The following PAX5 variants were observed in gnomAD, a reference collection of about 807,000 sequenced individuals.
PAX5 encodes the protein paired box protein Pax-5.
PAX5 carries 9 observed loss-of-function variants against 43.7 expected under a neutral mutation model. The ratio of observed to expected loss-of-function variants is 0.21; its 90% CI spans 0.12 to 0.36. The LOEUF (loss-of-function observed/expected upper bound fraction) is 0.36, where lower values mean the gene tolerates loss of function less well. Among genes scored for constraint, PAX5 ranks in the 10% least tolerant of loss-of-function variants. The pLI is 1.00. For missense variants in PAX5, 383 were observed against 532.7 expected (o/e 0.72, Z 2.77); for synonymous variants, 228 against 214.3 (o/e 1.06, Z -0.56).
intron 7 of PAX5, among the ~76,000 whole-genome samples, chr9:36,892,044 T>C (rs941455293): frequency 3.9e-5 from 6 of 152,242 alleles, no homozygotes; most frequent in Admixed American, 1.3e-4. Context: ...ACTCAGTCTA[T>C]ATTTCCATGC....
At position 37,015,152 on chromosome 9, in the gene PAX5, T is replaced by A. The variant is rs746405576; in HGVS notation, c.255A>T (p.Gly85=). The A allele has an allele frequency of 4.3e-6, 7 of 1,614,162 alleles. No homozygotes were observed. The South Asian group carries it at 7.7e-5, about 18-fold the overall frequency. The change falls in exon 3 of 10, where the codon GGA becomes GGT. Residue 85 remains glycine (G), a synonymous_variant. Coordinates refer to ENST00000358127, the MANE Select transcript of PAX5 (RefSeq NM_016734.3). The surrounding 1 kb of genome is among the most constrained non-coding windows in gnomAD (Gnocchi z 4.4). Reference sequence around the variant, plus strand: ...TGGGTGTGGCGACCTTTGGTTTGGATCCTCCAATTACCCCAGGCTTGATGC... The same window carrying A: ...TGGGTGTGGCGACCTTTGGTTTGGAACCTCCAATTACCCCAGGCTTGATGC... ...TGSIKPGVIG[G]SKPKVATPKV...
intron 8 of PAX5, among the ~76,000 whole-genome samples, chr9:36,869,556 T>C (rs139509220): frequency 2.0e-5 from 3 of 152,340 alleles, no homozygotes; most frequent in African/African-American, 4.8e-5. Flanking sequence ...AGCCCTACTG[T>C]ACAGAGATTC....
chr9:36,840,316 G>C lies in PAX5; in HGVS notation c.*244C>G, dbSNP rs1821934231. 1 of 602,944 alleles carries C rather than the reference G, an allele frequency of 1.7e-6. No homozygotes were observed. The highest frequency in any genetic ancestry group is 2.8e-5 in the East Asian group (1 of 36,036). The allele number at this position is 602,944 out of a possible 1,614,324, so 37.3% of individuals were successfully genotyped here. ...GCAGGACAGTCTATTGGTTTGCAGA[G>C]ACCCAGTGGCCATCGGGAGAAGCTC... On this transcript the variant is annotated 3_prime_UTR_variant, in exon 10 of 10. Coordinates refer to ENST00000358127, the MANE Select transcript of PAX5 (RefSeq NM_016734.3).
intron 8 of PAX5, among the ~76,000 whole-genome samples, chr9:36,857,069 G>A (rs1381939098): frequency 6.6e-6 from 1 of 152,152 alleles, no homozygotes; most frequent in Non-Finnish European, 1.5e-5. Flanking sequence ...CATGATAAGT[G>A]TCAAATAAAC....
intron 5 of PAX5, among the ~76,000 whole-genome samples, chr9:36,996,700 G>A (rs138279630): frequency 1.6e-3 from 238 of 152,320 alleles, no homozygotes; most frequent in African/African-American, 5.5e-3. Context: ...GGGGCCCAGG[G>A]CCCCAGCACG....
chr9:36,862,425 G>T (rs1044891169), intron 8 of PAX5, among the ~76,000 whole-genome samples: 1 of 152,192 alleles, frequency 6.6e-6, no homozygotes, highest in Non-Finnish European at 1.5e-5. Context: ...GCGTTCTGGG[G>T]TGGGAATAGA....
At chr9:36,900,623 C>G (rs189267911) in intron 7 of PAX5, among the ~76,000 whole-genome samples, 291 of 152,302 alleles carry the variant, frequency 1.9e-3, no homozygotes, top group Non-Finnish European at 2.6e-3. Flanking sequence ...CTCACTCCCC[C>G]ACTCCGGGCT....
intron 6 of PAX5, among the ~76,000 whole-genome samples, chr9:36,945,790 G>A (rs369416920): frequency 6.6e-6 from 1 of 152,166 alleles, no homozygotes; most frequent in Non-Finnish European, 1.5e-5. Context: ...TGCAGGCCTT[G>A]GAAAAGTTAC....
intron 7 of PAX5, among the ~76,000 whole-genome samples, chr9:36,897,258 CTG>C (rs956964314): frequency 3.3e-5 from 5 of 152,296 alleles, no homozygotes; most frequent in Admixed American, 3.3e-4. Flanking sequence ...GGACATGCGA[CTG>C]TGAGCGGCCT....
At chr9:36,918,533 C>T (rs1829889178) in intron 7 of PAX5, among the ~76,000 whole-genome samples, 1 of 152,034 alleles carries the variant, frequency 6.6e-6, no homozygotes, top group Non-Finnish European at 1.5e-5. Flanking sequence ...CATGGTGGTG[C>T]ACGCCTGTAG....
intron 8 of PAX5, 65 bp downstream of exon 8, chr9:36,881,939 G>T (rs1409663053): frequency 3.3e-6 from 4 of 1,195,268 alleles, no homozygotes; most frequent in Middle Eastern, 2.3e-4. Context: ...TGTTTGGGGG[G>T]GGATGTCCCC....
At chr9:36,861,928 A>G (rs1824257859) in intron 8 of PAX5, among the ~76,000 whole-genome samples, 1 of 152,114 alleles carries the variant, frequency 6.6e-6, no homozygotes. Flanking sequence ...TGTTGCAAGG[A>G]TTTACTGTAA....
intron 1 of PAX5, among the ~76,000 whole-genome samples, chr9:37,031,130 T>C (rs990153681): frequency 2.9e-4 from 44 of 152,340 alleles, no homozygotes; most frequent in African/African-American, 9.4e-4. Context: ...CAGGAGTTCT[T>C]GAAGAGGATG....
At chr9:36,988,918 G>A (rs1242374158) in intron 5 of PAX5, among the ~76,000 whole-genome samples, 1 of 152,194 alleles carries the variant, frequency 6.6e-6, no homozygotes, top group Non-Finnish European at 1.5e-5. Context: ...GACAGGTGAG[G>A]AAATTGAAGC....
chr9:36,934,223 A>T (rs1831365967), intron 6 of PAX5, among the ~76,000 whole-genome samples: 2 of 152,234 alleles, frequency 1.3e-5, no homozygotes, highest in Non-Finnish European at 2.9e-5. Context: ...CTCATTTGTA[A>T]GGGGGATATG....
At chr9:36,978,283 AG>A (rs976538561) in intron 5 of PAX5, among the ~76,000 whole-genome samples, 46 of 152,378 alleles carry the variant, frequency 3.0e-4, no homozygotes, top group African/African-American at 1.1e-3. Flanking sequence ...CACACTAATT[AG>A]AAAGGATGTT....
At chr9:36,939,497 C>A (rs1378047157) in intron 6 of PAX5, among the ~76,000 whole-genome samples, 1 of 152,180 alleles carries the variant, frequency 6.6e-6, no homozygotes, top group African/African-American at 2.4e-5. Context: ...ACCCCAAATC[C>A]AATCTAAATG....
intron 6 of PAX5, among the ~76,000 whole-genome samples, chr9:36,954,182 T>C (rs551215276): frequency 1.4e-4 from 21 of 152,342 alleles, no homozygotes; most frequent in Non-Finnish European, 2.9e-4. Context: ...TTGTTGAAAG[T>C]TGTACATGAT....
At chr9:36,996,848 A>G (rs916996422) in intron 5 of PAX5, among the ~76,000 whole-genome samples, 1 of 152,190 alleles carries the variant, frequency 6.6e-6, no homozygotes, top group Admixed American at 6.5e-5. Context: ...CAAGAGAGAA[A>G]GGAAATTGAA....
Sources: gnomAD v4.1 joint callset for allele counts (sites outside exome capture counted in the v4.1 genomes callset) on GRCh38, gnomAD v4.1.1 for gene constraint, Gnocchi (gnomAD v3.1) non-coding constraint, MANE v1.5 for transcripts, NCBI Gene and HGNC (gene_info 2026-07-23, HGNC 2026-07-21) for gene names.